Variants in CAMK1G observed in about 807,000 individuals in gnomAD.
CAMK1G encodes the protein calcium/calmodulin-dependent protein kinase type 1G.
A neutral mutation model predicts 54.8 loss-of-function variants in CAMK1G; 27 were observed. That is an observed-to-expected ratio of 0.49 (90% CI 0.36 to 0.68). The LOEUF (loss-of-function observed/expected upper bound fraction) is 0.68, where lower values mean the gene tolerates loss of function less well. Ranked by LOEUF, CAMK1G falls within the 30% of genes least tolerant of loss-of-function variation. CAMK1G has a pLI of 0.00. For missense variants in CAMK1G, 512 were observed against 591.0 expected (o/e 0.87, Z 1.39); for synonymous variants, 238 against 224.9 (o/e 1.06, Z -0.52).
chr1:209,612,801 G>A lies in CAMK1G; in HGVS notation c.1357G>A (p.Val453Ile). Residue 453 changes from valine (V) to isoleucine (I), a missense_variant, in exon 12 of 13, where the codon GTC (valine) becomes ATC (isoleucine). Around this residue, in one of 3 missense-constraint regions of CAMK1G, gnomAD observed 315 missense variants for 330.5 expected, o/e 0.95. Transcript: ENST00000361322. ...CCTTTCTAGGAACTTCAAGTCGGAG[G>A]TCATGGTACCAGTTAAAGCCAGTGG... ...ANKKQNFKSE[V>I]MVPVKASGSS... 2 of 1,614,134 alleles carry A rather than the reference G, an allele frequency of 1.2e-6. No homozygotes were observed. Among genetic ancestry groups the A allele is most frequent in the Non-Finnish European group, 1.7e-6 (2 of 1,179,994 alleles).
intron 6 of CAMK1G, 122 bp downstream of exon 6, chr1:209,606,565 C>T (rs1408670310): frequency 8.2e-6 from 9 of 1,094,720 alleles, no homozygotes; most frequent in Non-Finnish European, 1.2e-5. Flanking sequence ...CCTGGTAGGA[C>T]ATCCACTTAT....
chr1:209,588,000 G>A (rs1182444129), intron 1 of CAMK1G, among the ~76,000 whole-genome samples: 1 of 152,172 alleles, frequency 6.6e-6, no homozygotes, highest in Non-Finnish European at 1.5e-5. Context: ...AATCCCGGAA[G>A]CAGAGACTAT....
chr1:209,600,921 C>T (rs147638681), intron 3 of CAMK1G, among the ~76,000 whole-genome samples: 2 of 152,178 alleles, frequency 1.3e-5, no homozygotes, highest in African/African-American at 2.4e-5. Context: ...AGTGCAAGGG[C>T]TTTTAGGGAA....
Position 209,599,988 on chromosome 1 carries a change from C to A in CAMK1G, c.98C>A (p.Ala33Asp). 6.2e-7 allele frequency: 1 copy of A among 1,613,424 alleles called. No individual in the cohort carries two copies. The highest frequency in any genetic ancestry group is 8.5e-7 in the Non-Finnish European group (1 of 1,179,716). Residue 33 changes from alanine (A) to aspartate (D), a missense_variant, in exon 3 of 13, where the codon GCT becomes GAT. Around this residue, in one of 3 missense-constraint regions of CAMK1G, gnomAD observed 186 missense variants for 231.5 expected, o/e 0.80. Coordinates refer to ENST00000361322, the MANE Select transcript of CAMK1G (RefSeq NM_020439.3). ...FIFMEVLGSG[A>D]FSEVFLVKQR... ...TTTTGGTGTCTTCTCCTCAGAGGAG[C>A]TTTCTCAGAAGTTTTCCTGGTGAAG...
rs764641415 is a variant in CAMK1G, at chr1:209,599,973, T to G, written c.93-10T>G. 4 of 1,612,790 alleles carry G rather than the reference T, an allele frequency of 2.5e-6. No individual in the cohort carries two copies. In the South Asian group the frequency reaches 4.4e-5, roughly 18 times the overall value. ...CTACTAAGTTTTATCTTTTGGTGTCTTCTCCTCAGAGGAGCTTTCTCAGAA... is the reference window on the plus strand; with the variant it reads ...CTACTAAGTTTTATCTTTTGGTGTCGTCTCCTCAGAGGAGCTTTCTCAGAA... On this transcript the variant is annotated splice_polypyrimidine_tract_variant and intron_variant, in intron 2 of 12. Transcript: ENST00000361322.
chr1:209,590,842 G>T (rs766527916), intron 1 of CAMK1G, among the ~76,000 whole-genome samples: 1 of 152,082 alleles, frequency 6.6e-6, no homozygotes, highest in Non-Finnish European at 1.5e-5. Flanking sequence ...CAGTGTATCC[G>T]CACAGCAAGA....
Position 209,611,475 on chromosome 1 carries a change from AAC to A in CAMK1G, c.842_843del (p.Thr281SerfsTer20). On this transcript the variant is annotated frameshift_variant, in exon 10 of 13. Transcript: ENST00000361322. LOFTEE classifies it high-confidence loss of function. ...KALSHPWIDGNTALHRDIYPS... is the reference protein window; with the variant it reads ...KALSHPWIDGXTALHRDIYPS... ...CTCTTACATCCACAGGATTGACGGA[AAC>A]ACAGCCCTCCACCGGGACATCTACC... 6.2e-7 allele frequency: 1 copy of A among 1,614,146 alleles called. No individual in the cohort carries two copies. The highest frequency in any genetic ancestry group is 8.5e-7 in the Non-Finnish European group (1 of 1,180,012).
In CAMK1G at chr1:209,609,837, A is replaced by G; in HGVS notation, c.749-14A>G. 6.2e-6 allele frequency: 10 copies of G among 1,614,022 alleles called. No homozygotes were observed. The highest frequency in any genetic ancestry group is 7.6e-6 in the Non-Finnish European group (9 of 1,179,884). ...CTGGTCCTTAGTCGTCGTGTCTTTGATTACTCCCCTTAGCCAAGGACTTTA... is the reference window on the plus strand; with the variant it reads ...CTGGTCCTTAGTCGTCGTGTCTTTGGTTACTCCCCTTAGCCAAGGACTTTA... On this transcript the variant is annotated splice_polypyrimidine_tract_variant and intron_variant, in intron 8 of 12. Transcript: ENST00000361322.
At chr1:209,591,083 C>T (rs1340860275) in intron 1 of CAMK1G, among the ~76,000 whole-genome samples, 1 of 151,750 alleles carries the variant, frequency 6.6e-6, no homozygotes, top group Non-Finnish European at 1.5e-5. Context: ...TAAAGATATC[C>T]CCCGACTCTT....
At chr1:209,609,686 T>C (rs1478428558) in intron 8 of CAMK1G, 165 bp from the exon 9 acceptor site, 1 of 185,296 alleles carries the variant, frequency 5.4e-6, no homozygotes, top group Non-Finnish European at 1.0e-5. Context: ...TGGTGGGTTG[T>C]TGTTAGGTGG....
intron 2 of CAMK1G, among the ~76,000 whole-genome samples, chr1:209,595,400 G>T (rs1558136751): frequency 6.6e-6 from 1 of 151,864 alleles, no homozygotes. Flanking sequence ...CCAGCCTGGT[G>T]ACAGAGCGAG....
chr1:209,592,040 G>A (rs1448900093), intron 1 of CAMK1G, among the ~76,000 whole-genome samples: 1 of 152,094 alleles, frequency 6.6e-6, no homozygotes, highest in East Asian at 1.9e-4. Flanking sequence ...TGTTGCCACT[G>A]TCCATGGTGT....
At chr1:209,585,186 A>G (rs1034828516) in intron 1 of CAMK1G, among the ~76,000 whole-genome samples, 28 of 152,168 alleles carry the variant, frequency 1.8e-4, no homozygotes, top group African/African-American at 6.8e-4. Flanking sequence ...ACTCTTTGGG[A>G]AAGAAGCTTG....
intron 11 of CAMK1G, 128 bp from the exon 12 acceptor site, chr1:209,612,657 C>T (rs1665811563): frequency 1.4e-6 from 1 of 713,770 alleles, no homozygotes; most frequent in Non-Finnish European, 2.4e-6. Flanking sequence ...GGTTCTTGAA[C>T]TTTCTGAACC....
chr1:209,595,299 G>A (rs1267784327), intron 2 of CAMK1G, among the ~76,000 whole-genome samples: 2 of 152,196 alleles, frequency 1.3e-5, no homozygotes, highest in Admixed American at 6.5e-5. Flanking sequence ...TACATTGGAT[G>A]TAGTCCAAGC....
At chr1:209,608,953 G>T in intron 7 of CAMK1G, 27 bp from the exon 8 acceptor site, 1 of 1,613,322 alleles carries the variant, frequency 6.2e-7, no homozygotes, top group East Asian at 2.2e-5. Flanking sequence ...TTGTTCAGTA[G>T]TATGCCTCCT....
intron 1 of CAMK1G, among the ~76,000 whole-genome samples, chr1:209,584,823 C>T (rs1665053769): frequency 6.6e-6 from 1 of 152,204 alleles, no homozygotes; most frequent in African/African-American, 2.4e-5. Flanking sequence ...TTCCTGCTGA[C>T]CCAAGCTTAA....
intron 1 of CAMK1G, among the ~76,000 whole-genome samples, chr1:209,585,809 G>A (rs1665083267): frequency 6.6e-6 from 1 of 152,224 alleles, no homozygotes; most frequent in African/African-American, 2.4e-5. Context: ...GCGGCGCCCA[G>A]CCGCAGCCTG....
rs765562767 is a variant in CAMK1G at position 209,612,815 on chromosome 1, TAAAGCCAGTGGCAGCTCCC to T, written c.1373_1391del (p.Lys458ThrfsTer90). On this transcript the variant is annotated frameshift_variant, in exon 12 of 13. Transcript: ENST00000361322. LOFTEE classifies it high-confidence loss of function. ...TCAAGTCGGAGGTCATGGTACCAGT[TAAAGCCAGTGGCAGCTCCC>T]ACTGCCGGGCAGGGCAGACTGGAGT... The T allele has an allele frequency of 6.2e-7, 1 of 1,614,146 alleles. No individual in the cohort carries two copies. Among genetic ancestry groups the T allele is most frequent in the Non-Finnish European group, 8.5e-7 (1 of 1,179,986 alleles).
Sources: gnomAD v4.1 joint callset for allele counts (sites outside exome capture counted in the v4.1 genomes callset) on GRCh38, gnomAD v4.1.1 for gene constraint, gnomAD v4.1.1 regional missense constraint, MANE v1.5 for transcripts, NCBI Gene and HGNC (gene_info 2026-07-23, HGNC 2026-07-21) for gene names.